Variants in ATP6V0A4 observed in about 807,000 individuals in gnomAD.
The protein encoded by ATP6V0A4 is V-type proton ATPase 116 kDa subunit a 4.
Under a neutral mutation model 107.3 loss-of-function variants are expected in ATP6V0A4, and 86 were observed. That is an observed-to-expected ratio of 0.80 (90% CI 0.67 to 0.96). The LOEUF is 0.96. ATP6V0A4 is among the 40% of genes least tolerant of loss of function. The probability of loss-of-function intolerance (pLI) is 0.00; values close to 1 mark genes in which losing one functional copy is unlikely to be tolerated. For missense variants in ATP6V0A4, 908 were observed against 1,045.6 expected (o/e 0.87, Z 1.81); for synonymous variants, 353 against 381.4 (o/e 0.93, Z 0.87).
At chr7:138,765,359 C>T (rs543872969) in intron 5 of ATP6V0A4, among the ~76,000 whole-genome samples, 49 of 152,244 alleles carry the variant, frequency 3.2e-4, no homozygotes, top group African/African-American at 1.1e-3. Context: ...CAATCATTTC[C>T]TCTATCCACT....
chr7:138,769,119 C>T, intron 4 of ATP6V0A4, 54 bp downstream of exon 4: 1 of 1,598,474 alleles, frequency 6.3e-7, no homozygotes, highest in Non-Finnish European at 8.5e-7. Context: ...ACTATTAACC[C>T]CCTTGCCAGT....
At chr7:138,782,866 G>T (rs1442631809) in intron 2 of ATP6V0A4, among the ~76,000 whole-genome samples, 2 of 152,158 alleles carry the variant, frequency 1.3e-5, no homozygotes, top group Non-Finnish European at 2.9e-5. Context: ...CCTGAGGTCA[G>T]GAGTTCAAGA....
At chr7:138,792,168 C>T (rs1047217072) in intron 1 of ATP6V0A4, among the ~76,000 whole-genome samples, 3 of 152,010 alleles carry the variant, frequency 2.0e-5, no homozygotes, top group Non-Finnish European at 4.4e-5. Flanking sequence ...CTTAGCTGGG[C>T]GTGGTGGCGG....
intron 10 of ATP6V0A4, 195 bp from the exon 11 acceptor site, chr7:138,753,032 G>T: frequency 2.1e-6 from 1 of 475,382 alleles, no homozygotes; most frequent in Non-Finnish European, 2.7e-6. Flanking sequence ...CTTAGGCAGA[G>T]ATTGTATCTT....
intron 2 of ATP6V0A4, among the ~76,000 whole-genome samples, chr7:138,783,448 C>A (rs1808011030): frequency 6.6e-6 from 1 of 151,952 alleles, no homozygotes; most frequent in South Asian, 2.1e-4. Flanking sequence ...AAAAATGAGG[C>A]CAGGCACATG....
chr7:138,748,555 T>G (rs980340239), intron 12 of ATP6V0A4, among the ~76,000 whole-genome samples: 1 of 152,104 alleles, frequency 6.6e-6, no homozygotes, highest in Non-Finnish European at 1.5e-5. Flanking sequence ...TACAGCTGCC[T>G]GCCACCATGC....
Position 138,782,022 on chromosome 7 carries a change from T to C in ATP6V0A4, c.-18+4136A>G, listed in dbSNP as rs531720793. On this transcript the variant is annotated intron_variant, in intron 2 of 21. Coordinates refer to ENST00000310018, the MANE Select transcript of ATP6V0A4 (RefSeq NM_020632.3). ...GTAAAGAGGACCTGAGACAAAAACA[T>C]TGGACAACCACTAGCCTGGGGACCG... Among the ~76,000 whole-genome samples the C allele has an allele frequency of 1.2e-4, 18 of 152,228 alleles. No homozygotes were observed. In the East Asian group the frequency reaches 1.9e-3, roughly 16 times the overall value.
chr7:138,783,006 C>T (rs572100304), intron 2 of ATP6V0A4, among the ~76,000 whole-genome samples: 58 of 152,054 alleles, frequency 3.8e-4, no homozygotes, highest in African/African-American at 8.2e-4. Context: ...ACCCGAGAGG[C>T]GGAGGTTGCA....
intron 1 of ATP6V0A4, among the ~76,000 whole-genome samples, chr7:138,796,713 CCCAT>C (rs1466891376): frequency 1.5e-4 from 18 of 116,586 alleles, no homozygotes; most frequent in Non-Finnish European, 3.6e-4. Context: ...CCTTTTTATT[CCCAT>C]CACAGTGGAA....
Position 138,740,792 on chromosome 7 carries a change from T to C in ATP6V0A4, c.1479-1159A>G, listed in dbSNP as rs1013972974. 6.6e-5 allele frequency among the ~76,000 whole-genome samples: 10 copies of C among 151,740 alleles called. 1 individual carries two copies. The South Asian group carries it at 1.3e-3, about 19-fold the overall frequency. On this transcript the variant is annotated intron_variant, in intron 14 of 21. Transcript: ENST00000310018. ...GCCTTAAGGGGATGAGAATGTTGAGTTGATTTTTTTTTAAGAACTGCATCT... is the reference window on the plus strand; with the variant it reads ...GCCTTAAGGGGATGAGAATGTTGAGCTGATTTTTTTTTAAGAACTGCATCT...
At chr7:138,746,723 C>G (rs988539489) in intron 13 of ATP6V0A4, among the ~76,000 whole-genome samples, 4 of 152,072 alleles carry the variant, frequency 2.6e-5, no homozygotes, top group African/African-American at 9.7e-5. Context: ...ACGTTGGCCT[C>G]GAACCCCTGA....
chr7:138,797,267 T>C (rs1372362976), intron 1 of ATP6V0A4, among the ~76,000 whole-genome samples: 2 of 145,734 alleles, frequency 1.4e-5, no homozygotes, highest in Non-Finnish European at 3.0e-5. Flanking sequence ...CAAGCTGGAA[T>C]GCAGGGTCAG....
intron 1 of ATP6V0A4, among the ~76,000 whole-genome samples, chr7:138,797,208 CTTTTTTTTTTT>C (rs3842142): frequency 2.1e-5 from 2 of 96,110 alleles, no homozygotes; most frequent in South Asian, 3.5e-4. Context: ...ATGCCATTTT[CTTTTTTTTTTT>C]TTTTTTTTTT....
At chr7:138,728,424 G>A (rs934279872) in intron 18 of ATP6V0A4, among the ~76,000 whole-genome samples, 2 of 151,744 alleles carry the variant, frequency 1.3e-5, no homozygotes, top group Middle Eastern at 3.4e-3. Context: ...ATGGGGTTTC[G>A]CCACGTTAGC....
intron 2 of ATP6V0A4, among the ~76,000 whole-genome samples, chr7:138,783,902 G>A (rs574798468): frequency 1.3e-5 from 2 of 152,148 alleles, no homozygotes; most frequent in East Asian, 3.9e-4. Context: ...GTTGAAACAG[G>A]CCAAGCATTA....
At chr7:138,754,631 A>C (rs780476066) in intron 10 of ATP6V0A4, among the ~76,000 whole-genome samples, 9 of 151,482 alleles carry the variant, frequency 5.9e-5, no homozygotes, top group African/African-American at 9.7e-5. Flanking sequence ...ATTTCCTTTT[A>C]TTTTATTTTG....
Position 138,768,800 on chromosome 7 carries a change from G to A in ATP6V0A4, c.271C>T (p.Arg91Trp), listed in dbSNP as rs564427621. 43 of 1,614,164 alleles carry A rather than the reference G, an allele frequency of 2.7e-5. No individual in the cohort carries two copies. The highest frequency in any genetic ancestry group is 2.1e-4 in the South Asian group (19 of 91,084). Residue 91 changes from arginine to tryptophan, a missense_variant, in exon 5 of 22, where the codon CGG becomes TGG. Transcript: ENST00000310018. ...LEKSPLTPLP[R>W]EMITLETVLE... is the part of the protein sequence containing the mutation. ...CTTACCTCCAGGGTAATCATTTCCC[G>A]TGGGAGCGGGGTCAGTGGGCTTTTC... is the stretch of plus-strand genomic sequence containing the variant.
chr7:138,749,274 T>C lies in ATP6V0A4; in HGVS notation c.1073A>G (p.Gln358Arg), dbSNP rs1806109769. Residue 358 changes from glutamine to arginine, a missense_variant, in exon 12 of 22, where the codon CAA becomes CGA. Coordinates refer to ENST00000310018, the MANE Select transcript of ATP6V0A4 (RefSeq NM_020632.3). ...AAATGTGGGAGGGGCTGTTTTAGAT[T>C]GCACTGTGGTCATGATGGGGGCCAT... Reference protein sequence around the residue: ...SSMAPIMTTVQSKTAPPTFNR... With the variant: ...SSMAPIMTTVRSKTAPPTFNR... 1 of 1,613,574 alleles carries C rather than the reference T, an allele frequency of 6.2e-7. No homozygotes were observed. The highest frequency in any genetic ancestry group is 8.5e-7 in the Non-Finnish European group (1 of 1,179,904).
At chr7:138,780,107 C>T (rs533435385) in intron 2 of ATP6V0A4, 1 of 152,272 alleles carries the variant, frequency 6.6e-6, no homozygotes, top group East Asian at 1.9e-4. Flanking sequence ...TGTGTTGTTG[C>T]AGTTTCCCAT....
Sources: allele counts gnomAD v4.1 joint callset (sites outside exome capture counted in the v4.1 genomes callset), GRCh38; gene constraint gnomAD v4.1.1; transcripts MANE v1.5; gene names NCBI Gene and HGNC (gene_info 2026-07-23, HGNC 2026-07-21).